The following PPFIA2 variants were observed in gnomAD, a reference collection of about 807,000 sequenced individuals.
PPFIA2 encodes liprin-alpha-2.
Under a neutral mutation model 175.5 loss-of-function variants are expected in PPFIA2, and 46 were observed. That is an observed-to-expected ratio of 0.26 (90% confidence interval 0.21 to 0.34). The LOEUF is 0.34. PPFIA2 is among the 10% of genes least tolerant of loss of function. The pLI is 1.00. For missense variants in PPFIA2, 1,179 were observed against 1,506.1 expected (o/e 0.78, Z 3.60); for synonymous variants, 568 against 511.4 (o/e 1.11, Z -1.49).
At chr12:81,284,757 T>A (rs556645842) in intron 24 of PPFIA2, among the ~76,000 whole-genome samples, 3 of 152,216 alleles carry the variant, frequency 2.0e-5, no homozygotes, top group African/African-American at 7.2e-5. Flanking sequence ...ATTCTCGATA[T>A]CCTTTGAAGG....
chr12:81,375,676 CAAAT>C, intron 10 of PPFIA2, 116 bp downstream of exon 10: 1 of 1,074,090 alleles, frequency 9.3e-7, no homozygotes, highest in Non-Finnish European at 1.4e-6. Context: ...TAGAGAATTT[CAAAT>C]TTTAGAGAAT....
At chr12:81,333,532 A>G (rs1193851741) in intron 21 of PPFIA2, among the ~76,000 whole-genome samples, 1 of 152,178 alleles carries the variant, frequency 6.6e-6, no homozygotes, top group Non-Finnish European at 1.5e-5. Context: ...ATAGCAGAGT[A>G]GAGTAGAAAA....
chr12:81,320,978 G>C (rs1208365802), intron 22 of PPFIA2, among the ~76,000 whole-genome samples: 1 of 151,210 alleles, frequency 6.6e-6, no homozygotes, highest in Non-Finnish European at 1.5e-5. Flanking sequence ...GTAGAAAAAT[G>C]AAACAAAACA....
intron 11 of PPFIA2, among the ~76,000 whole-genome samples, chr12:81,371,904 CACACAA>C (rs1452833491): frequency 7.0e-6 from 1 of 143,362 alleles, no homozygotes; most frequent in Admixed American, 7.1e-5. Flanking sequence ...TACACACACA[CACACAA>C]ACACACACAC....
intron 4 of PPFIA2, among the ~76,000 whole-genome samples, chr12:81,662,881 T>G (rs887640487): frequency 2.6e-5 from 4 of 152,214 alleles, no homozygotes; most frequent in African/African-American, 9.6e-5. Flanking sequence ...ATCCCTGGGA[T>G]GCAAGGCTGG....
intron 26 of PPFIA2, among the ~76,000 whole-genome samples, chr12:81,282,201 C>T (rs1334166989): frequency 2.0e-5 from 3 of 152,042 alleles, no homozygotes; most frequent in Non-Finnish European, 4.4e-5. Context: ...AACTATTACT[C>T]TCTATTATTT....
At chr12:81,619,950 G>C (rs949144877) in intron 4 of PPFIA2, among the ~76,000 whole-genome samples, 1 of 152,068 alleles carries the variant, frequency 6.6e-6, no homozygotes, top group Non-Finnish European at 1.5e-5. Context: ...ACGAGGTCAG[G>C]AGGTCGAGAC....
intron 4 of PPFIA2, among the ~76,000 whole-genome samples, chr12:81,559,301 T>C (rs2153386215): frequency 6.6e-6 from 1 of 152,340 alleles, no homozygotes; most frequent in South Asian, 2.1e-4. Flanking sequence ...CACGTGTGGA[T>C]GCATGTGCAT....
At chr12:81,475,657 T>C (rs1467955956) in intron 4 of PPFIA2, among the ~76,000 whole-genome samples, 4 of 152,192 alleles carry the variant, frequency 2.6e-5, no homozygotes, top group African/African-American at 9.7e-5. Flanking sequence ...TGCTAGGCAC[T>C]ATGAATCAAG....
At chr12:81,644,848 A>G (rs1356352658) in intron 4 of PPFIA2, among the ~76,000 whole-genome samples, 2 of 152,118 alleles carry the variant, frequency 1.3e-5, no homozygotes, top group Non-Finnish European at 2.9e-5. Context: ...ATTACTGAAA[A>G]CTTATTTTCA....
intron 22 of PPFIA2, among the ~76,000 whole-genome samples, chr12:81,300,830 G>A (rs972688155): frequency 1.3e-5 from 2 of 152,100 alleles, no homozygotes; most frequent in African/African-American, 2.4e-5. Context: ...ATGGATTGAA[G>A]GATCAAAAAC....
intron 4 of PPFIA2, among the ~76,000 whole-genome samples, chr12:81,604,175 G>T (rs2153459048): frequency 6.6e-6 from 1 of 151,186 alleles, no homozygotes; most frequent in East Asian, 1.9e-4. Context: ...GTGATTTCCA[G>T]TGGGTGACCA....
intron 4 of PPFIA2, among the ~76,000 whole-genome samples, chr12:81,501,126 C>T (rs919804844): frequency 6.6e-6 from 1 of 152,192 alleles, no homozygotes; most frequent in Non-Finnish European, 1.5e-5. Context: ...CCTATGATGT[C>T]CTACATGATT....
At chr12:81,503,999 G>T (rs577622570) in intron 4 of PPFIA2, among the ~76,000 whole-genome samples, 5 of 152,052 alleles carry the variant, frequency 3.3e-5, no homozygotes, top group African/African-American at 1.2e-4. Context: ...TTTAAAATAA[G>T]ATGATTAAAG....
In PPFIA2 at chr12:81,430,011, T is replaced by C. The variant is rs2047811438; in HGVS notation, c.645+9961A>G. 4 of 152,196 alleles carry C rather than the reference T, an allele frequency of 2.6e-5. No homozygotes were observed. The South Asian group carries it at 8.3e-4, about 32-fold the overall frequency. The allele number at this position is 152,196 out of a possible 1,614,324, so 9.4% of individuals were successfully genotyped here. A position where few individuals can be genotyped will look rare whatever the true frequency, so the allele number is the denominator to read the frequency against. Reference sequence around the variant, plus strand: ...CTCACTTTCCTTAGCAGATAACCCATCTCCTTGAGAAGAACCCCTGATGAA... The same window carrying C: ...CTCACTTTCCTTAGCAGATAACCCACCTCCTTGAGAAGAACCCCTGATGAA... On this transcript the variant is annotated intron_variant, in intron 7 of 32. Coordinates refer to ENST00000549396, the MANE Select transcript of PPFIA2 (RefSeq NM_003625.5).
chr12:81,651,718 T>C (rs61933828), intron 4 of PPFIA2, among the ~76,000 whole-genome samples: 46,702 of 152,048 alleles, frequency 0.31, 8,176 homozygotes, highest in Middle Eastern at 0.4. Flanking sequence ...ACTGATGCTC[T>C]GTGAGAATAA....
At chr12:81,366,161 C>T (rs977066922) in intron 14 of PPFIA2, among the ~76,000 whole-genome samples, 1 of 149,908 alleles carries the variant, frequency 6.7e-6, no homozygotes, top group African/African-American at 2.4e-5. Flanking sequence ...TCTCAACATA[C>T]AGTTATAGAT....
chr12:81,676,683 T>TA, intron 4 of PPFIA2, 108 bp downstream of exon 4: 4 of 690,354 alleles, frequency 5.8e-6, no homozygotes, highest in Non-Finnish European at 8.5e-6. Flanking sequence ...GCTGTATTTA[T>TA]AAAAAGTACC....
intron 28 of PPFIA2, among the ~76,000 whole-genome samples, chr12:81,273,083 T>A (rs2039564857): frequency 6.6e-6 from 1 of 152,186 alleles, no homozygotes; most frequent in Admixed American, 6.5e-5. Context: ...ACCTTTGATT[T>A]TTTTTACTGT....
Sources: allele counts gnomAD v4.1 joint callset (sites outside exome capture counted in the v4.1 genomes callset), GRCh38; gene constraint gnomAD v4.1.1; transcripts MANE v1.5; gene names NCBI Gene and HGNC (gene_info 2026-07-23, HGNC 2026-07-21).